Variants in MYOM1 observed in about 807,000 individuals in gnomAD.
MYOM1 encodes the protein myomesin-1.
Under a neutral mutation model 205.3 loss-of-function variants are expected in MYOM1, and 164 were observed. The observed-to-expected ratio is 0.80, with a 90% CI of 0.70 to 0.91. The LOEUF (loss-of-function observed/expected upper bound fraction) is 0.91. MYOM1 is among the 40% of genes least tolerant of loss of function. MYOM1 has a pLI of 0.00. For missense variants in MYOM1, 2,011 were observed against 2,127.3 expected, an observed-to-expected ratio of 0.95 and a Z score of 1.08; for synonymous variants, 772 against 789.4, an observed-to-expected ratio of 0.98 and a Z score of 0.37.
intron 23 of MYOM1, among the ~76,000 whole-genome samples, chr18:3,100,919 CTG>C (rs1027015909): frequency 2.0e-5 from 3 of 152,196 alleles, no homozygotes; most frequent in African/African-American, 7.2e-5. Context: ...GCTTTGTTTA[CTG>C]TGTCACCCCC....
chr18:3,115,148 A>C (rs941232977), intron 21 of MYOM1, among the ~76,000 whole-genome samples: 3 of 151,954 alleles, frequency 2.0e-5, no homozygotes, highest in African/African-American at 7.3e-5. Flanking sequence ...GTTTCTCGGA[A>C]TCCAGGGACC....
At position 3,086,112 on chromosome 18, in the gene MYOM1, T is replaced by C. The variant is rs371239754; in HGVS notation, c.4177A>G (p.Lys1393Glu). 4.9e-5 allele frequency: 79 copies of C among 1,611,642 alleles called. No homozygotes were observed. The African/African-American group carries it at 6.7e-4, about 14-fold the overall frequency. ...TCCACTGATATCTCCCTCTCATCTTTGTACCACACAATATGAGTCTCCTTC... is the reference window on the plus strand; with the variant it reads ...TCCACTGATATCTCCCTCTCATCTTCGTACCACACAATATGAGTCTCCTTC... ...IKKETHIVWY[K>E]DEREISVDEK... Residue 1393 changes from lysine to glutamate, a missense_variant, in exon 30 of 38, where the codon AAA (lysine) becomes GAA (glutamate). Physicochemically the swap from Lys to Glu is moderately conservative, Grantham distance 56. Transcript: ENST00000356443.
rs2080703634 is a variant in MYOM1, at chr18:3,179,869, GT to G, written c.930-3736del. Among the ~76,000 whole-genome samples the G allele has an allele frequency of 1.3e-5, 2 of 152,168 alleles. 1 individual carries two copies. Among genetic ancestry groups the G allele is most frequent in the South Asian group, 4.1e-4 (2 of 4,838 alleles). Reference sequence around the variant, plus strand: ...TTCTTGTGCTGGAGGGTTTTCAGTGGTTCCTCTTTGCCTAAGAAAAGCGCTG... The same window carrying G: ...TTCTTGTGCTGGAGGGTTTTCAGTGGTCCTCTTTGCCTAAGAAAAGCGCTG... On this transcript the variant is annotated intron_variant, in intron 5 of 37. Transcript: ENST00000356443. This position sits in a 1 kb window ranked among gnomAD's most constrained non-coding sequence, Gnocchi z 4.4.
At position 3,113,835 on chromosome 18, in the gene MYOM1, A is replaced by G. The variant is rs1341421282; in HGVS notation, c.3304-1423T>C. On this transcript the variant is annotated intron_variant, in intron 21 of 37. Coordinates refer to ENST00000356443, the MANE Select transcript of MYOM1 (RefSeq NM_003803.4). ...CAATATCCAAAATGTGATTTAAATC[A>G]AACAATGTTGGAATAAAGTTATTCA... Among the ~76,000 whole-genome samples, 4 of 152,206 alleles carry G rather than the reference A, an allele frequency of 2.6e-5. No homozygotes were observed. In the East Asian group the frequency reaches 7.7e-4, roughly 29 times the overall value.
chr18:3,206,124 C>T (rs935914457), intron 2 of MYOM1, among the ~76,000 whole-genome samples: 5 of 152,100 alleles, frequency 3.3e-5, no homozygotes, highest in African/African-American at 4.8e-5. Flanking sequence ...GGGAATCCTT[C>T]GTGGAAGAGC....
intron 10 of MYOM1, 119 bp downstream of exon 10, chr18:3,164,159 A>C: frequency 8.6e-7 from 1 of 1,163,900 alleles, no homozygotes; most frequent in Non-Finnish European, 1.2e-6. Context: ...ACCCTGCCAG[A>C]ATTTTGAAAT....
the MYOM1 span, among the ~76,000 whole-genome samples, chr18:3,243,309 G>A: frequency 2.6e-4 from 39 of 152,292 alleles, no homozygotes; most frequent in African/African-American, 9.1e-4. Flanking sequence ...TTCCATGTAT[G>A]TAGGCAAAAC....
intron 19 of MYOM1, among the ~76,000 whole-genome samples, chr18:3,126,280 A>G (rs1318387354): frequency 1.8e-4 from 28 of 151,390 alleles, no homozygotes; most frequent in Admixed American, 4.0e-4. Context: ...AAAAAAAAAA[A>G]AAAGAAAGTT....
At chr18:3,238,918 C>T in the MYOM1 span, among the ~76,000 whole-genome samples, 1 of 152,196 alleles carries the variant, frequency 6.6e-6, no homozygotes, top group African/African-American at 2.4e-5. Context: ...CAGTCTTCTT[C>T]TGCCTCCCTC....
rs142123823 is a variant in MYOM1, at chr18:3,114,380, CT to C, written c.3303+1950del. 3.5e-3 allele frequency among the ~76,000 whole-genome samples: 497 copies of C among 141,238 alleles called. 6 individuals are homozygous for C. The highest frequency in any genetic ancestry group is 4.2e-3 in the Non-Finnish European group (274 of 65,710). The allele number at this position is 141,238 out of a possible 152,430, so 92.7% of individuals were successfully genotyped here. ...GATCATCGATGCAGATCTATTTTCCCTTTTTTTTTTTTTTCGAGACAGAGTC... is the reference window on the plus strand; with the variant it reads ...GATCATCGATGCAGATCTATTTTCCCTTTTTTTTTTTTTCGAGACAGAGTC... On this transcript the variant is annotated intron_variant, in intron 21 of 37. Transcript: ENST00000356443.
At chr18:3,123,336 A>G (rs1169140014) in intron 19 of MYOM1, among the ~76,000 whole-genome samples, 2 of 152,182 alleles carry the variant, frequency 1.3e-5, no homozygotes, top group East Asian at 3.8e-4. Context: ...TATATGTGAA[A>G]TCAATATATA....
chr18:3,198,059 C>T (rs1176264374), intron 2 of MYOM1, among the ~76,000 whole-genome samples: 1 of 144,832 alleles, frequency 6.9e-6, no homozygotes, highest in East Asian at 2.0e-4. Flanking sequence ...TCAGTTACAG[C>T]TAAAAATAAA....
At chr18:3,132,224 T>C (rs967540944) in intron 16 of MYOM1, among the ~76,000 whole-genome samples, 6 of 151,464 alleles carry the variant, frequency 4.0e-5, no homozygotes, top group African/African-American at 1.5e-4. Context: ...CAATCTCAGC[T>C]CACTGCAACC....
intron 35 of MYOM1, 54 bp downstream of exon 35, chr18:3,075,671 G>A (rs529999949): frequency 6.4e-7 from 1 of 1,570,904 alleles, no homozygotes; most frequent in Non-Finnish European, 8.7e-7. Context: ...CAGCATGCAA[G>A]CTTCCCGGGA....
chr18:3,088,710 G>C (rs958704201), intron 29 of MYOM1, among the ~76,000 whole-genome samples: 7 of 152,088 alleles, frequency 4.6e-5, no homozygotes, highest in African/African-American at 1.7e-4. Context: ...AAGACAATTG[G>C]TTGTGAGCTG....
chr18:3,180,925 C>CTT (rs540315378), intron 5 of MYOM1, among the ~76,000 whole-genome samples: 2,044 of 142,584 alleles, frequency 0.014, 52 homozygotes, highest in African/African-American at 0.049. Context: ...CCGAGATGAT[C>CTT]TTTTTTTTTT....
intron 10 of MYOM1, among the ~76,000 whole-genome samples, chr18:3,159,600 C>G: frequency 6.6e-6 from 1 of 152,046 alleles, no homozygotes; most frequent in East Asian, 1.9e-4. Flanking sequence ...CACTGTCCAT[C>G]AGCGGGTGAA....
intron 17 of MYOM1, among the ~76,000 whole-genome samples, chr18:3,130,739 A>G (rs1367897638): frequency 2.0e-5 from 3 of 152,192 alleles, no homozygotes; most frequent in African/African-American, 7.2e-5. Flanking sequence ...TACAGGTGTA[A>G]GCCCCCGTGC....
chr18:3,222,239 TTTC>T (rs1380236344), upstream of MYOM1, among the ~76,000 whole-genome samples: 1 of 152,206 alleles, frequency 6.6e-6, no homozygotes, highest in Non-Finnish European at 1.5e-5. Context: ...AGCCCAAGTT[TTTC>T]TTCTTTAGTT....
Sources: gnomAD v4.1 joint callset for allele counts (sites outside exome capture counted in the v4.1 genomes callset) on GRCh38, gnomAD v4.1.1 for gene constraint, Gnocchi (gnomAD v3.1) non-coding constraint, MANE v1.5 for transcripts, NCBI Gene and HGNC (gene_info 2026-07-23, HGNC 2026-07-21) for gene names.